The following TENT4A variants were observed in gnomAD, a reference collection of about 807,000 sequenced individuals.
TENT4A encodes the protein terminal nucleotidyltransferase 4A.
A neutral mutation model predicts 72.8 loss-of-function variants in TENT4A; 7 were observed. That is an observed-to-expected ratio of 0.10 (90% CI 0.05 to 0.18). The LOEUF (loss-of-function observed/expected upper bound fraction) is 0.18, where lower values mean the gene tolerates loss of function less well. TENT4A is among the 10% of genes least tolerant of loss of function. The probability of loss-of-function intolerance (pLI) is 1.00; values close to 1 mark genes in which losing one functional copy is unlikely to be tolerated. For synonymous variants in TENT4A, 456 were observed against 434.3 expected (o/e 1.05, Z -0.62); for missense variants, 831 against 1,017.7 (o/e 0.82, Z 2.50).
At chr5:6,738,079 C>A (rs1467223694) in intron 2 of TENT4A, among the ~76,000 whole-genome samples, 1 of 152,182 alleles carries the variant, frequency 6.6e-6, no homozygotes, top group Non-Finnish European at 1.5e-5. Context: ...CCTCATCACA[C>A]ACCACTCTTG....
At chr5:6,751,315 T>G (rs752801227) in intron 11 of TENT4A, 118 bp downstream of exon 11, 51 of 1,019,226 alleles carry the variant, frequency 5.0e-5, no homozygotes, top group Non-Finnish European at 6.3e-5. Context: ...TTTTGAGTAT[T>G]TGGCCATTGG....
chr5:6,751,955 T>A (rs1481694606), intron 11 of TENT4A, among the ~76,000 whole-genome samples: 1 of 152,236 alleles, frequency 6.6e-6, no homozygotes, highest in Non-Finnish European at 1.5e-5. Flanking sequence ...TCTGGGATGC[T>A]GGCTCTGTAA....
Position 6,739,722 on chromosome 5 carries a change from C to T in TENT4A, c.888-10C>T, listed in dbSNP as rs1214228403. 6.2e-7 allele frequency: 1 copy of T among 1,613,742 alleles called. No individual in the cohort carries two copies. Among genetic ancestry groups the T allele is most frequent in the Admixed American group, 1.7e-5 (1 of 60,004 alleles). On this transcript the variant is annotated splice_polypyrimidine_tract_variant and intron_variant, in intron 3 of 12. Coordinates refer to ENST00000230859, the MANE Select transcript of TENT4A (RefSeq NM_006999.6). ...GGGAGCAGTGGCTGACGTGCGTTTTCTTCTGTCAGCGACATAGACCTGGTG... is the reference window on the plus strand; with the variant it reads ...GGGAGCAGTGGCTGACGTGCGTTTTTTTCTGTCAGCGACATAGACCTGGTG...
chr5:6,750,805 AAAATT>A (rs1742360896), intron 10 of TENT4A: 1 of 541,590 alleles, frequency 1.8e-6, no homozygotes, highest in Non-Finnish European at 3.2e-6. Context: ...GATTAAAAAA[AAAATT>A]AAATCCAAGT....
intron 1 of TENT4A, among the ~76,000 whole-genome samples, chr5:6,729,566 A>G (rs1741102708): frequency 6.6e-6 from 1 of 152,244 alleles, no homozygotes; most frequent in Admixed American, 6.5e-5. Flanking sequence ...CCCTCGGAGC[A>G]CCCAGAGCTG....
chr5:6,738,743 T>A lies in TENT4A; in HGVS notation c.887+14T>A, dbSNP rs1194292897. The A allele has an allele frequency of 1.1e-5, 17 of 1,596,288 alleles. No individual in the cohort carries two copies. Among genetic ancestry groups the A allele is most frequent in the Non-Finnish European group, 1.5e-5 (17 of 1,163,808 alleles). ...TCTTCCAACTAGGTGAGTACCAGAC[T>A]GCATGGCATGGGCTAGTGGGGGGCT... On this transcript the variant is annotated intron_variant, in intron 3 of 12. Transcript: ENST00000230859.
intron 4 of TENT4A, among the ~76,000 whole-genome samples, chr5:6,740,910 A>C (rs1373991285): frequency 1.3e-5 from 2 of 152,152 alleles, no homozygotes. Flanking sequence ...GTTGCTGTTC[A>C]CATTTTACAG....
At chr5:6,729,036 T>C (rs1741075998) in intron 1 of TENT4A, among the ~76,000 whole-genome samples, 1 of 152,230 alleles carries the variant, frequency 6.6e-6, no homozygotes, top group South Asian at 2.1e-4. Flanking sequence ...TTTAAAATAT[T>C]GTATAGATAG....
intron 11 of TENT4A, 78 bp downstream of exon 11, chr5:6,751,275 T>C (rs899318414): frequency 1.6e-5 from 22 of 1,406,676 alleles, no homozygotes; most frequent in Non-Finnish European, 1.9e-5. Context: ...CTAGAGGAGA[T>C]TGATGGTCCT....
At chr5:6,748,760 G>T (rs1742241138) in intron 8 of TENT4A, among the ~76,000 whole-genome samples, 170 bp downstream of exon 8, 1 of 152,186 alleles carries the variant, frequency 6.6e-6, no homozygotes, top group Non-Finnish European at 1.5e-5. Flanking sequence ...GGATGGCTGT[G>T]TGGGATTCAT....
intron 1 of TENT4A, among the ~76,000 whole-genome samples, chr5:6,734,722 T>TG: frequency 6.6e-6 from 1 of 152,226 alleles, no homozygotes; most frequent in Non-Finnish European, 1.5e-5. Flanking sequence ...TTGGACACAA[T>TG]GCCAAGGTCA....
chr5:6,752,685 T>A (rs1742473179), intron 11 of TENT4A, among the ~76,000 whole-genome samples, 188 bp from the exon 12 acceptor site: 1 of 152,246 alleles, frequency 6.6e-6, no homozygotes, highest in Admixed American at 6.5e-5. Context: ...CAGTTGCTGT[T>A]TTAGAATACG....
chr5:6,755,061 C>T lies in TENT4A; in HGVS notation c.*116C>T, dbSNP rs562901799. ...ACGTCAGCCGGGCTCGCGGCACGCC[C>T]GCCGCTGATCACTCTGCATGTTTCT... On this transcript the variant is annotated 3_prime_UTR_variant, in exon 13 of 13. Transcript: ENST00000230859. The T allele has an allele frequency of 4.3e-4, 350 of 808,130 alleles. No individual in the cohort carries two copies. Among genetic ancestry groups the T allele is most frequent in the Non-Finnish European group, 5.2e-4 (280 of 539,522 alleles). The allele number at this position is 808,130 out of a possible 1,614,324, so 50.1% of individuals were successfully genotyped here.
chr5:6,718,586 A>G (rs1326525578), intron 1 of TENT4A, among the ~76,000 whole-genome samples: 2 of 152,228 alleles, frequency 1.3e-5, no homozygotes, highest in Non-Finnish European at 2.9e-5. Flanking sequence ...TGTGAAGAGA[A>G]GCGTGTATGT....
chr5:6,720,419 A>G (rs1315139877), intron 1 of TENT4A, among the ~76,000 whole-genome samples: 2 of 152,056 alleles, frequency 1.3e-5, no homozygotes, highest in Non-Finnish European at 2.9e-5. Context: ...GCCCATCGCA[A>G]TGACTCTTGC....
At chr5:6,735,158 G>A (rs1741416305) in intron 1 of TENT4A, among the ~76,000 whole-genome samples, 1 of 152,218 alleles carries the variant, frequency 6.6e-6, no homozygotes, top group Non-Finnish European at 1.5e-5. Flanking sequence ...GTTAAATCTG[G>A]GGGATGTGGA....
intron 9 of TENT4A, 88 bp from the exon 10 acceptor site, chr5:6,750,243 G>T: frequency 8.9e-7 from 1 of 1,125,426 alleles, no homozygotes. Context: ...AGCGTTCCCG[G>T]CTCAGCAGAG....
chr5:6,743,760 C>T lies in TENT4A; in HGVS notation c.1165C>T (p.Leu389=), dbSNP rs1275637708. ...YLILVLKQFL[L]QRDLNEVFTG... is the part of the protein sequence containing the mutation. ...GATTTTAGTATTGAAACAGTTCCTT[C>T]TGCAGAGGGACCTGAATGAAGTTTT... Residue 389 remains leucine (L), a synonymous_variant, in exon 6 of 13, where the codon CTG becomes TTG. Transcript: ENST00000230859. 2 of 1,612,968 alleles carry T rather than the reference C, an allele frequency of 1.2e-6. No individual in the cohort carries two copies. Among genetic ancestry groups the T allele is most frequent in the East Asian group, 4.5e-5 (2 of 44,870 alleles).
Position 6,748,643 on chromosome 5 carries a change from T to C in TENT4A, c.1586+53T>C. The C allele has an allele frequency of 2.6e-6, 4 of 1,555,920 alleles. No homozygotes were observed. The Admixed American group carries it at 6.8e-5, about 27-fold the overall frequency. On this transcript the variant is annotated intron_variant, in intron 8 of 12. Coordinates refer to ENST00000230859, the MANE Select transcript of TENT4A (RefSeq NM_006999.6). ...CTCAGCGTGCCTGTGGGATGGTACTTATCCCTTTCCTGTGTCATTTACCTC... is the reference window on the plus strand; with the variant it reads ...CTCAGCGTGCCTGTGGGATGGTACTCATCCCTTTCCTGTGTCATTTACCTC...
Sources: allele counts gnomAD v4.1 joint callset (sites outside exome capture counted in the v4.1 genomes callset), GRCh38; gene constraint gnomAD v4.1.1; transcripts MANE v1.5; gene names NCBI Gene and HGNC (gene_info 2026-07-23, HGNC 2026-07-21).